Variants in ENTPD5 observed in about 807,000 individuals in gnomAD.
ENTPD5 encodes the protein ectonucleoside triphosphate diphosphohydrolase 5 (inactive).
ENTPD5 carries 49 observed loss-of-function variants against 60.2 expected under a neutral mutation model. The ratio of observed to expected loss-of-function variants is 0.81; its 90% CI spans 0.65 to 1.03. The LOEUF is 1.03. ENTPD5 is among the 50% of genes least tolerant of loss of function. The pLI is 0.00. For missense variants in ENTPD5, 480 were observed against 507.6 expected (o/e 0.95, Z 0.52); for synonymous variants, 187 against 185.4 (o/e 1.01, Z -0.07).
chr14:73,995,862 C>A (rs2058325322), intron 3 of ENTPD5, among the ~76,000 whole-genome samples: 1 of 152,082 alleles, frequency 6.6e-6, no homozygotes, highest in African/African-American at 2.4e-5. Flanking sequence ...TGCTCACTAT[C>A]TCTTATTCAC....
intron 14 of ENTPD5, 45 bp from the exon 15 acceptor site, chr14:73,970,170 G>A: frequency 7.3e-7 from 1 of 1,368,762 alleles, no homozygotes; most frequent in Non-Finnish European, 1.0e-6. Context: ...GCAACTAACT[G>A]AGAGGTGTAG....
intron 3 of ENTPD5, among the ~76,000 whole-genome samples, chr14:73,998,730 A>G (rs1409383464): frequency 6.6e-6 from 1 of 152,266 alleles, no homozygotes; most frequent in East Asian, 1.9e-4. Flanking sequence ...GAGGAGGGAA[A>G]TGAATTAGGA....
chr14:73,971,302 C>T (rs1426265917), intron 14 of ENTPD5, among the ~76,000 whole-genome samples: 1 of 151,872 alleles, frequency 6.6e-6, no homozygotes, highest in African/African-American at 2.4e-5. Context: ...GGATTACAGG[C>T]GCCTGCCACC....
intron 15 of ENTPD5, among the ~76,000 whole-genome samples, chr14:73,969,715 TAATA>T (rs3081896): frequency 1.3e-4 from 20 of 148,930 alleles, no homozygotes; most frequent in African/African-American, 2.0e-4. Context: ...AAAAAAATAA[TAATA>T]AATAAATAAA....
chr14:73,996,285 TC>T (rs1321281398), intron 3 of ENTPD5: 1 of 634,690 alleles, frequency 1.6e-6, no homozygotes, highest in African/African-American at 2.0e-5. Flanking sequence ...TATCCTTCCC[TC>T]CTCCCTTACT....
chr14:73,972,008 T>C lies in ENTPD5; in HGVS notation c.1028-100A>G, dbSNP rs2057248591. On this transcript the variant is annotated intron_variant, in intron 13 of 15. Transcript: ENST00000334696. The stretch of plus-strand genomic sequence containing the variant: ...TTATATACACATGTACATAATGTAA[T>C]CTATGCAACCTAATTTACTTATTTA... 4 of 773,522 alleles carry C rather than the reference T, an allele frequency of 5.2e-6. No homozygotes were observed. The South Asian group carries it at 5.8e-5, about 11-fold the overall frequency. The allele number at this position is 773,522 out of a possible 1,614,324, so 47.9% of individuals were successfully genotyped here. A position where few individuals can be genotyped will look rare whatever the true frequency, so the allele number is the denominator to read the frequency against.
downstream of ENTPD5, chr14:73,956,120 G>C (rs962144865): frequency 4.1e-5 from 25 of 612,370 alleles, no homozygotes; most frequent in Non-Finnish European, 5.2e-5. Context: ...GTCAGGAGAT[G>C]GAGACCATCC....
At chr14:73,959,376 A>G (rs1594805515), downstream of ENTPD5, 1 of 1,614,146 alleles carries the variant, frequency 6.2e-7, no homozygotes, top group East Asian at 2.2e-5. Flanking sequence ...CAAGTGCAGC[A>G]GAGTCTTAGC....
chr14:73,976,542 G>T lies in ENTPD5; in HGVS notation c.554-130C>A, dbSNP rs999459141. On this transcript the variant is annotated intron_variant, in intron 8 of 15. Coordinates refer to ENST00000334696, the MANE Select transcript of ENTPD5 (RefSeq NM_001249.5). ...CTGCTCCCCAGCCCCAAGGCTGCAG[G>T]TGAATGTCAACTCGGAAGGACTCTT... is the stretch of plus-strand genomic sequence containing the variant. 8.8e-6 allele frequency: 6 copies of T among 679,734 alleles called. No individual in the cohort carries two copies. The African/African-American group carries it at 1.1e-4, about 12-fold the overall frequency. The allele number at this position is 679,734 out of a possible 1,614,324, so 42.1% of individuals were successfully genotyped here. A position where few individuals can be genotyped will look rare whatever the true frequency, so the allele number is the denominator to read the frequency against.
downstream of ENTPD5, chr14:73,961,771 A>G: frequency 6.2e-7 from 1 of 1,614,174 alleles, no homozygotes; most frequent in Non-Finnish European, 8.5e-7. Context: ...ATGAAACAGA[A>G]AGACAGCGTC....
chr14:73,970,149 A>C, intron 14 of ENTPD5, 24 bp from the exon 15 acceptor site: 1 of 1,554,584 alleles, frequency 6.4e-7, no homozygotes, highest in Non-Finnish European at 8.9e-7. Flanking sequence ...TAAACAGTGG[A>C]GCTCAAGTTT....
At chr14:73,982,908 C>A in intron 6 of ENTPD5, 110 bp downstream of exon 6, 1 of 1,069,304 alleles carries the variant, frequency 9.4e-7, no homozygotes, top group Non-Finnish European at 1.4e-6. Flanking sequence ...AATGCTTTGG[C>A]AGTGGTGGAA....
chr14:74,005,364 C>CAAAAAAAAAAAAAAAAAA (rs35560902), intron 3 of ENTPD5, among the ~76,000 whole-genome samples: 12 of 117,102 alleles, frequency 1.0e-4, no homozygotes, highest in East Asian at 3.4e-4. Flanking sequence ...GACTCGGTCT[C>CAAAAAAAAAAAAAAAAAA]AAAAAAAAAG....
downstream of ENTPD5, chr14:73,961,382 C>T (rs372034799): frequency 2.0e-5 from 33 of 1,614,024 alleles, no homozygotes; most frequent in East Asian, 5.3e-4. Flanking sequence ...TTGGGTAAGA[C>T]GATAACAGAG....
intron 3 of ENTPD5, among the ~76,000 whole-genome samples, chr14:74,010,242 A>C (rs538728092): frequency 2.0e-5 from 3 of 152,182 alleles, no homozygotes. Context: ...TGGCTCCACT[A>C]TAACACTTAG....
intron 12 of ENTPD5, among the ~76,000 whole-genome samples, 170 bp downstream of exon 12, chr14:73,973,707 G>T (rs1030359334): frequency 6.6e-6 from 1 of 152,172 alleles, no homozygotes; most frequent in Non-Finnish European, 1.5e-5. Context: ...AATGACAGCT[G>T]CTTTGTTCAC....
intron 12 of ENTPD5, among the ~76,000 whole-genome samples, chr14:73,973,667 T>C (rs2057322630): frequency 6.6e-6 from 1 of 152,162 alleles, no homozygotes; most frequent in African/African-American, 2.4e-5. Flanking sequence ...GGCAGGTATC[T>C]AATGGGTCCA....
chr14:74,009,659 G>A (rs910377914), intron 3 of ENTPD5, among the ~76,000 whole-genome samples: 4 of 152,182 alleles, frequency 2.6e-5, no homozygotes, highest in Admixed American at 6.5e-5. Context: ...GTCTTGCTCT[G>A]TCACCCAGGC....
chr14:74,003,374 T>C (rs1197348023), intron 3 of ENTPD5: 2 of 643,332 alleles, frequency 3.1e-6, no homozygotes, highest in Non-Finnish European at 2.8e-6. Flanking sequence ...CTTAGCGCCA[T>C]TTTCTTGGAA....
Sources: gnomAD v4.1 joint callset for allele counts (sites outside exome capture counted in the v4.1 genomes callset) on GRCh38, gnomAD v4.1.1 for gene constraint, MANE v1.5 for transcripts, NCBI Gene and HGNC (gene_info 2026-07-23, HGNC 2026-07-21) for gene names.